INPP4B: variants seen among roughly 807,000 people sequenced by gnomAD.
The protein encoded by INPP4B is inositol polyphosphate-4-phosphatase type II B.
Under a neutral mutation model 122.5 loss-of-function variants are expected in INPP4B, and 55 were observed. The ratio of observed to expected loss-of-function variants is 0.45; its 90% confidence interval spans 0.36 to 0.56. The LOEUF (loss-of-function observed/expected upper bound fraction) is 0.56, where lower values mean the gene tolerates loss of function less well. Among genes scored for constraint, INPP4B ranks in the 20% least tolerant of loss-of-function variants. The pLI is 0.00. For missense variants in INPP4B, 1,000 were observed against 1,097.7 expected, an observed-to-expected ratio of 0.91 and a Z score of 1.26; for synonymous variants, 403 against 388.7, an observed-to-expected ratio of 1.04 and a Z score of -0.43.
chr4:142,308,308 G>A (rs749316072), intron 8 of INPP4B, among the ~76,000 whole-genome samples: 6 of 152,126 alleles, frequency 3.9e-5, no homozygotes, highest in South Asian at 2.1e-4. Flanking sequence ...ATTACATTTC[G>A]TAAACTTGTC....
intron 18 of INPP4B, among the ~76,000 whole-genome samples, chr4:142,132,556 C>T (rs1040772092): frequency 2.6e-5 from 4 of 152,118 alleles, no homozygotes; most frequent in Non-Finnish European, 4.4e-5. Flanking sequence ...ACTTTGCACT[C>T]GCCCTCCTAC....
intron 11 of INPP4B, among the ~76,000 whole-genome samples, chr4:142,255,610 C>T (rs1206083033): frequency 6.6e-6 from 1 of 152,086 alleles, no homozygotes; most frequent in Non-Finnish European, 1.5e-5. Context: ...ACAAAGAAGG[C>T]CATTACATAA....
At chr4:142,831,458 T>C (rs1421468774) in intron 1 of INPP4B, among the ~76,000 whole-genome samples, 3 of 152,216 alleles carry the variant, frequency 2.0e-5, no homozygotes, top group Non-Finnish European at 4.4e-5. Context: ...TGTCTGCTTT[T>C]GCATATTAAA....
At chr4:142,809,850 G>A (rs531810021) in intron 1 of INPP4B, among the ~76,000 whole-genome samples, 14 of 152,036 alleles carry the variant, frequency 9.2e-5, no homozygotes, top group African/African-American at 2.7e-4. Context: ...AAAAATCCAC[G>A]GGATATTACA....
Position 142,423,382 on chromosome 4 carries a change from C to T in INPP4B, c.136+5791G>A, listed in dbSNP as rs534703861. On this transcript the variant is annotated intron_variant, in intron 5 of 25. Coordinates refer to ENST00000262992, the MANE Select transcript of INPP4B (RefSeq NM_001101669.3). ...CACATTTCTATACATTTTTAAATGC[C>T]GAGCACAGAAAACTGATCACATGAT... 9.2e-5 allele frequency among the ~76,000 whole-genome samples: 14 copies of T among 152,090 alleles called. No homozygotes were observed. The South Asian group carries it at 2.5e-3, about 27-fold the overall frequency.
At chr4:142,195,021 T>C (rs940161933) in intron 14 of INPP4B, among the ~76,000 whole-genome samples, 17 of 152,232 alleles carry the variant, frequency 1.1e-4, no homozygotes, top group Non-Finnish European at 1.9e-4. Flanking sequence ...CAAATTATCA[T>C]GACAATGCAA....
At chr4:142,570,116 C>A (rs934662668) in intron 2 of INPP4B, among the ~76,000 whole-genome samples, 1 of 152,082 alleles carries the variant, frequency 6.6e-6, no homozygotes, top group Admixed American at 6.6e-5. Flanking sequence ...TAAGAAGTCA[C>A]ATCATTTTTC....
At chr4:142,521,987 A>C (rs1383665746) in intron 2 of INPP4B, among the ~76,000 whole-genome samples, 2 of 152,086 alleles carry the variant, frequency 1.3e-5, no homozygotes, top group African/African-American at 4.8e-5. Context: ...TCTTCATCCT[A>C]ATATCTGTAT....
intron 2 of INPP4B, among the ~76,000 whole-genome samples, chr4:142,560,103 G>A (rs767752748): frequency 1.3e-5 from 2 of 152,160 alleles, no homozygotes; most frequent in Non-Finnish European, 1.5e-5. Context: ...TTTCACAGAA[G>A]GGGGTTTATC....
chr4:142,117,213 G>C (rs1477144136), intron 21 of INPP4B, among the ~76,000 whole-genome samples: 1 of 152,032 alleles, frequency 6.6e-6, no homozygotes, highest in Non-Finnish European at 1.5e-5. Flanking sequence ...TGGATTCACA[G>C]CCAAATTCTA....
At chr4:142,579,879 G>GTAGATAGA (rs34007661) in intron 2 of INPP4B, among the ~76,000 whole-genome samples, 1,653 of 142,578 alleles carry the variant, frequency 0.012, 30 homozygotes, top group Middle Eastern at 0.021. Context: ...AGATAGGTAG[G>GTAGATAGA]TAGATAGATA....
At chr4:142,248,005 G>T (rs1268334288) in intron 11 of INPP4B, among the ~76,000 whole-genome samples, 4 of 152,084 alleles carry the variant, frequency 2.6e-5, no homozygotes, top group African/African-American at 9.7e-5. Context: ...GTGTGCTCAG[G>T]AGGGAAAGAA....
intron 2 of INPP4B, among the ~76,000 whole-genome samples, chr4:142,612,654 C>T (rs950009578): frequency 7.2e-5 from 11 of 151,946 alleles, no homozygotes; most frequent in African/African-American, 1.5e-4. Context: ...ATTTTTGCAC[C>T]GACCAATATA....
At chr4:142,151,609 C>G (rs1259887198) in intron 17 of INPP4B, among the ~76,000 whole-genome samples, 1 of 152,146 alleles carries the variant, frequency 6.6e-6, no homozygotes, top group East Asian at 1.9e-4. Context: ...AAAATCAGGT[C>G]TATCTATGAG....
At position 142,023,574 on chromosome 4, in the gene INPP4B, A is replaced by G. The variant is rs946259401; in HGVS notation, c.*5208T>C. The G allele has an allele frequency of 5.3e-5, 8 of 152,190 alleles. No homozygotes were observed. The highest frequency in any genetic ancestry group is 2.6e-4 in the Admixed American group (4 of 15,280). 9.4% of individuals were successfully genotyped at this position (152,190 alleles called of 1,614,324 possible). On this transcript the variant is annotated 3_prime_UTR_variant, in exon 26 of 26. Transcript: ENST00000262992. The stretch of plus-strand genomic sequence containing the variant: ...ATAGTGACATAAAAACATCACAAGA[A>G]TTATCTAGATAATATAGCAATATTG...
At chr4:142,406,294 T>C (rs1803350438) in intron 5 of INPP4B, among the ~76,000 whole-genome samples, 1 of 152,070 alleles carries the variant, frequency 6.6e-6, no homozygotes, top group South Asian at 2.1e-4. Flanking sequence ...GATTTCATGG[T>C]GAGGGCATGC....
In INPP4B at chr4:142,366,098, C is replaced by G. The variant is rs1319377438; in HGVS notation, c.372+36840G>C. 2.6e-5 allele frequency among the ~76,000 whole-genome samples: 4 copies of G among 151,954 alleles called. 1 individual carries two copies. Among genetic ancestry groups the G allele is most frequent in the Non-Finnish European group, 4.4e-5 (3 of 67,962 alleles). The stretch of plus-strand genomic sequence containing the variant: ...CATTGTAATTTGTTTCTGCCCCACC[C>G]TAACTGATCAATGTACTTTGTAATC... On this transcript the variant is annotated intron_variant, in intron 7 of 25. Coordinates refer to ENST00000262992, the MANE Select transcript of INPP4B (RefSeq NM_001101669.3).
At chr4:142,490,348 C>T (rs987039432) in intron 2 of INPP4B, among the ~76,000 whole-genome samples, 3 of 152,082 alleles carry the variant, frequency 2.0e-5, no homozygotes, top group African/African-American at 7.2e-5. Flanking sequence ...ATTGGCCTCC[C>T]AATGTGCTGG....
At chr4:142,747,252 G>A (rs1768900424) in intron 1 of INPP4B, among the ~76,000 whole-genome samples, 1 of 152,036 alleles carries the variant, frequency 6.6e-6, no homozygotes, top group African/African-American at 2.4e-5. Context: ...TATTTATGTG[G>A]CCAACAAACA....
Sources: allele counts gnomAD v4.1 joint callset (sites outside exome capture counted in the v4.1 genomes callset), GRCh38; gene constraint gnomAD v4.1.1; transcripts MANE v1.5; gene names NCBI Gene and HGNC (gene_info 2026-07-23, HGNC 2026-07-21).